The following GALNT9 variants were observed in gnomAD, a reference collection of about 807,000 sequenced individuals.
The protein encoded by GALNT9 is polypeptide N-acetylgalactosaminyltransferase 9.
In GALNT9, 47 loss-of-function variants were observed where a neutral mutation model predicts 63.1. The observed-to-expected ratio is 0.75, with a 90% confidence interval of 0.59 to 0.95. The LOEUF is 0.95. GALNT9 is among the 40% of genes least tolerant of loss of function. The probability of loss-of-function intolerance (pLI) is 0.00; values close to 1 mark genes in which losing one functional copy is unlikely to be tolerated. For missense variants in GALNT9, 829 were observed against 874.8 expected (o/e 0.95, Z 0.66); for synonymous variants, 396 against 365.7 (o/e 1.08, Z -0.94).
Position 132,325,476 on chromosome 12 carries a change from C to T in GALNT9, c.238+3490G>A, listed in dbSNP as rs374106516. ...GCTGGAGGAAGCCTGAGTCCATGTCCCCAGAGGGGGGGCCGTGGGCAGGAT... is the reference window on the plus strand; with the variant it reads ...GCTGGAGGAAGCCTGAGTCCATGTCTCCAGAGGGGGGGCCGTGGGCAGGAT... On this transcript the variant is annotated intron_variant, in intron 1 of 10. Transcript: ENST00000328957. Among the ~76,000 whole-genome samples, 3 of 152,262 alleles carry T rather than the reference C, an allele frequency of 2.0e-5. No homozygotes were observed. The East Asian group carries it at 5.8e-4, about 29-fold the overall frequency.
chr12:132,263,291 C>T (rs1371323581), intron 2 of GALNT9, among the ~76,000 whole-genome samples: 1 of 152,230 alleles, frequency 6.6e-6, no homozygotes, highest in Non-Finnish European at 1.5e-5. Flanking sequence ...GAGATTTCAT[C>T]ACTCAGAAAA....
chr12:132,225,622 A>C (rs2135523029), intron 6 of GALNT9, among the ~76,000 whole-genome samples: 1 of 146,932 alleles, frequency 6.8e-6, no homozygotes, highest in South Asian at 2.2e-4. Flanking sequence ...CATGCACATC[A>C]CACAACCCAC....
rs782267910 is a variant in GALNT9 at position 132,257,679 on chromosome 12, C to A, written c.959+10G>T. 1.3e-6 allele frequency: 2 copies of A among 1,544,540 alleles called. No homozygotes were observed. Among genetic ancestry groups the A allele is most frequent in the Non-Finnish European group, 1.7e-6 (2 of 1,143,138 alleles). On this transcript the variant is annotated intron_variant, in intron 5 of 10. Coordinates refer to ENST00000328957, the MANE Select transcript of GALNT9 (RefSeq NM_001122636.2). Reference sequence around the variant, plus strand: ...CAGGGCCGCCCTCGACCCCTGAGGGCGCAGCTCACCTGATGGGTGCTGACT... The same window carrying A: ...CAGGGCCGCCCTCGACCCCTGAGGGAGCAGCTCACCTGATGGGTGCTGACT...
intron 1 of GALNT9, among the ~76,000 whole-genome samples, chr12:132,328,190 G>A (rs181056645): frequency 1.5e-3 from 235 of 152,286 alleles, no homozygotes; most frequent in African/African-American, 5.3e-3. Context: ...GTGGCCGCTG[G>A]CCCTGACCTG....
chr12:132,298,338 G>A (rs2135572302), intron 1 of GALNT9, among the ~76,000 whole-genome samples: 1 of 150,212 alleles, frequency 6.7e-6, no homozygotes, highest in East Asian at 2.0e-4. Context: ...AGATAAACAA[G>A]CCACGGCTGA....
Position 132,316,375 on chromosome 12 carries a change from A to T in GALNT9, c.238+12591T>A, listed in dbSNP as rs1422175896. Among the ~76,000 whole-genome samples, 12 of 152,158 alleles carry T rather than the reference A, an allele frequency of 7.9e-5. No homozygotes were observed. The highest frequency in any genetic ancestry group is 7.9e-4 in the Admixed American group (12 of 15,284). The stretch of plus-strand genomic sequence containing the variant: ...CTGGGAGGAAACAGAGATCCCCTAT[A>T]ACCGAGCATATACTTCCTTTAAAAA... On this transcript the variant is annotated intron_variant, in intron 1 of 10. Transcript: ENST00000328957. This position sits in a 1 kb window ranked among gnomAD's most constrained non-coding sequence, Gnocchi z 4.3.
chr12:132,215,113 G>A (rs570779698), intron 6 of GALNT9, among the ~76,000 whole-genome samples: 2 of 152,352 alleles, frequency 1.3e-5, no homozygotes, highest in South Asian at 2.1e-4. Flanking sequence ...CGACACAATC[G>A]CTGTTGGTTT....
Position 132,286,234 on chromosome 12 carries a change from G to T in GALNT9, c.419+16C>A. On this transcript the variant is annotated intron_variant, in intron 2 of 10. Coordinates refer to ENST00000328957, the MANE Select transcript of GALNT9 (RefSeq NM_001122636.2). This position sits in a 1 kb window ranked among gnomAD's most constrained non-coding sequence, Gnocchi z 7.4. ...CTCGGCGGGCGTCGGGGGATGGGGG[G>T]CAGTCACTCACTCACTTTCTGGGCC... 1.9e-6 allele frequency: 3 copies of T among 1,542,550 alleles called. No homozygotes were observed. In the South Asian group the frequency reaches 3.6e-5, roughly 18 times the overall value.
Position 132,201,212 on chromosome 12 carries a change from T to G in GALNT9, c.1313A>C (p.Gln438Pro). ...GDVSERLALR[Q>P]RLKCRSFKWY... is the part of the protein sequence containing the mutation. ...CTTGAAGCTGCGACACTTCAGCCTC[T>G]GACGCAGGGCCAGCCTCTCAGACAC... The change falls in exon 8 of 11, where the codon CAG becomes CCG. Residue 438 changes from glutamine (Q) to proline (P), a missense_variant. Transcript: ENST00000328957. 6.2e-7 allele frequency: 1 copy of G among 1,613,404 alleles called. No individual in the cohort carries two copies. Among genetic ancestry groups the G allele is most frequent in the South Asian group, 1.1e-5 (1 of 90,984 alleles).
At chr12:132,235,331 G>C (rs1391308985) in intron 6 of GALNT9, among the ~76,000 whole-genome samples, 3 of 151,856 alleles carry the variant, frequency 2.0e-5, no homozygotes, top group African/African-American at 7.3e-5. Flanking sequence ...GCTGGGACCC[G>C]GAGACTGGGA....
Position 132,306,488 on chromosome 12 carries a change from G to A in GALNT9, c.239-20058C>T, listed in dbSNP as rs115986781. 8.5e-3 allele frequency among the ~76,000 whole-genome samples: 1,295 copies of A among 152,316 alleles called. 13 individuals carry two copies. Among genetic ancestry groups the A allele is most frequent in the African/African-American group, 0.03 (1,230 of 41,566 alleles). ...CGAGGTCCAGGTGGGCGGGCAGAGC[G>A]GGGGTCTAGACTGTGGGCAACAAGT... On this transcript the variant is annotated intron_variant, in intron 1 of 10. Coordinates refer to ENST00000328957, the MANE Select transcript of GALNT9 (RefSeq NM_001122636.2).
rs11247005 is a variant in GALNT9, at chr12:132,214,777, T to C, written c.1078-11087A>G. Reference sequence around the variant, plus strand: ...CACCAATGGCCATTGTCTCCTGGCCTGCTGGCTGCGCTGTCCTGAATAACG... The same window carrying C: ...CACCAATGGCCATTGTCTCCTGGCCCGCTGGCTGCGCTGTCCTGAATAACG... On this transcript the variant is annotated intron_variant, in intron 6 of 10. Coordinates refer to ENST00000328957, the MANE Select transcript of GALNT9 (RefSeq NM_001122636.2). 4.4e-3 allele frequency among the ~76,000 whole-genome samples: 668 copies of C among 152,344 alleles called. 18 individuals are homozygous for C. In the East Asian group the frequency reaches 0.065, roughly 15 times the overall value.
intron 6 of GALNT9, among the ~76,000 whole-genome samples, chr12:132,209,882 G>T (rs781646671): frequency 2.0e-5 from 3 of 152,180 alleles, no homozygotes; most frequent in Non-Finnish European, 4.4e-5. Flanking sequence ...GCAGCCCTGG[G>T]GGCCACTCTG....
chr12:132,328,677 C>G (rs1869149446), intron 1 of GALNT9, among the ~76,000 whole-genome samples: 1 of 152,314 alleles, frequency 6.6e-6, no homozygotes, highest in Admixed American at 6.5e-5. Context: ...AGAGCAGCTC[C>G]AAAGATCCTC....
intron 1 of GALNT9, among the ~76,000 whole-genome samples, chr12:132,307,683 A>AT (rs1881664009): frequency 6.6e-6 from 1 of 151,422 alleles, no homozygotes; most frequent in Admixed American, 6.6e-5. Context: ...AAAAAAAAAA[A>AT]AATAGTTGGG....
At chr12:132,298,471 C>A (rs928294405) in intron 1 of GALNT9, among the ~76,000 whole-genome samples, 1 of 151,458 alleles carries the variant, frequency 6.6e-6, no homozygotes, top group Non-Finnish European at 1.5e-5. Flanking sequence ...CTAACCCACC[C>A]GAGATAACCA....
intron 1 of GALNT9, among the ~76,000 whole-genome samples, chr12:132,326,693 CT>C (rs1555246535): frequency 6.6e-6 from 1 of 152,202 alleles, no homozygotes. Context: ...TCCCCCTCTC[CT>C]TTCTGAACTC....
At chr12:132,199,328 G>A (rs1003694754) in intron 8 of GALNT9, 59 bp from the exon 9 acceptor site, 2 of 1,203,394 alleles carry the variant, frequency 1.7e-6, no homozygotes, top group African/African-American at 3.0e-5. Flanking sequence ...GCCCCAGGGA[G>A]CTTCACGCAG....
intron 6 of GALNT9, among the ~76,000 whole-genome samples, chr12:132,211,160 T>C (rs28647407): frequency 0.035 from 5,315 of 152,228 alleles, 289 homozygotes; most frequent in African/African-American, 0.12. Context: ...TTCACCTGAC[T>C]TCTCGCCAAC....
Sources: allele counts gnomAD v4.1 joint callset (sites outside exome capture counted in the v4.1 genomes callset), GRCh38; gene constraint gnomAD v4.1.1; non-coding constraint Gnocchi (gnomAD v3.1); transcripts MANE v1.5; gene names NCBI Gene and HGNC (gene_info 2026-07-23, HGNC 2026-07-21).